Variants in PTPRD observed in about 807,000 individuals in gnomAD.
PTPRD encodes the protein receptor-type tyrosine-protein phosphatase delta.
In PTPRD, 34 loss-of-function variants were observed where a neutral mutation model predicts 214.5. That is an observed-to-expected ratio of 0.16 (90% CI 0.12 to 0.21). The LOEUF (loss-of-function observed/expected upper bound fraction) is 0.21. PTPRD is among the 10% of genes least tolerant of loss of function. The probability of loss-of-function intolerance (pLI) is 1.00; values close to 1 mark genes in which losing one functional copy is unlikely to be tolerated. For missense variants in PTPRD, 2,545 were observed against 2,398.7 expected (o/e 1.06, Z -1.27); for synonymous variants, 1,128 against 845.7 (o/e 1.33, Z -5.79).
intron 39 of PTPRD, among the ~76,000 whole-genome samples, chr9:8,365,946 C>T (rs1212486786): frequency 6.6e-6 from 1 of 152,160 alleles, no homozygotes. Context: ...CGAGAAAAAA[C>T]AAATTACTGT....
At chr9:9,728,437 T>A (rs932147701) in intron 7 of PTPRD, among the ~76,000 whole-genome samples, 1 of 152,186 alleles carries the variant, frequency 6.6e-6, no homozygotes, top group Non-Finnish European at 1.5e-5. Flanking sequence ...GAAAAGAAGT[T>A]TAACTAATTA....
chr9:10,458,678 G>C (rs1243059981), intron 2 of PTPRD, among the ~76,000 whole-genome samples: 2 of 151,982 alleles, frequency 1.3e-5, no homozygotes, highest in Non-Finnish European at 2.9e-5. Flanking sequence ...ACACAGTACT[G>C]AAGTACTACA....
chr9:9,324,780 G>C (rs1362771381), intron 9 of PTPRD, among the ~76,000 whole-genome samples: 2 of 152,146 alleles, frequency 1.3e-5, no homozygotes, highest in Non-Finnish European at 2.9e-5. Context: ...CCTATGTCCT[G>C]AATGGTATTG....
chr9:8,853,415 T>A (rs991801455), intron 11 of PTPRD, among the ~76,000 whole-genome samples: 1 of 152,152 alleles, frequency 6.6e-6, no homozygotes, highest in Non-Finnish European at 1.5e-5. Flanking sequence ...CATTTTTATT[T>A]TTTTAAAAAA....
chr9:10,013,099 G>C (rs964353527), intron 4 of PTPRD, among the ~76,000 whole-genome samples: 3 of 151,864 alleles, frequency 2.0e-5, no homozygotes, highest in African/African-American at 7.2e-5. Flanking sequence ...CAAATTCAAA[G>C]CCAGTATTAT....
chr9:8,328,894 T>C (rs1202808533), intron 44 of PTPRD, among the ~76,000 whole-genome samples: 1 of 152,106 alleles, frequency 6.6e-6, no homozygotes, highest in Non-Finnish European at 1.5e-5. Context: ...TTTATGTTTT[T>C]CTCTAAACTG....
At chr9:10,416,487 A>T (rs1164289933) in intron 2 of PTPRD, among the ~76,000 whole-genome samples, 1 of 151,980 alleles carries the variant, frequency 6.6e-6, no homozygotes, top group African/African-American at 2.4e-5. Context: ...AAATGTTAAA[A>T]GAAATAGGAA....
At chr9:10,295,553 C>A (rs919551502) in intron 3 of PTPRD, among the ~76,000 whole-genome samples, 1 of 152,104 alleles carries the variant, frequency 6.6e-6, no homozygotes, top group African/African-American at 2.4e-5. Flanking sequence ...TGTGATTACA[C>A]AGCATTCACA....
At chr9:8,930,506 T>C (rs1333655936) in intron 11 of PTPRD, among the ~76,000 whole-genome samples, 1 of 152,132 alleles carries the variant, frequency 6.6e-6, no homozygotes, top group Non-Finnish European at 1.5e-5. Flanking sequence ...CAAATGGTAT[T>C]TCTAGTTCTA....
chr9:9,212,958 T>G (rs1199183897), intron 9 of PTPRD, among the ~76,000 whole-genome samples: 2 of 152,216 alleles, frequency 1.3e-5, no homozygotes, highest in African/African-American at 2.4e-5. Context: ...CCTAGAGTTC[T>G]CTAAGATTCT....
At chr9:10,468,835 T>C (rs2099011761) in intron 2 of PTPRD, among the ~76,000 whole-genome samples, 1 of 152,006 alleles carries the variant, frequency 6.6e-6, no homozygotes, top group Non-Finnish European at 1.5e-5. Context: ...TGGAATATTA[T>C]CCAATGAATA....
At chr9:10,506,851 C>A (rs150181307) in intron 2 of PTPRD, among the ~76,000 whole-genome samples, 1 of 152,032 alleles carries the variant, frequency 6.6e-6, no homozygotes, top group African/African-American at 2.4e-5. Context: ...TAAAATTAGA[C>A]ATTTTTGGGA....
intron 3 of PTPRD, among the ~76,000 whole-genome samples, chr9:10,129,902 TG>T (rs1353210129): frequency 1.3e-5 from 2 of 151,832 alleles, no homozygotes; most frequent in African/African-American, 4.8e-5. Context: ...AGAATAAAAA[TG>T]GTAGTTTGGT....
chr9:10,239,837 C>T lies in PTPRD; in HGVS notation c.-545+101126G>A, dbSNP rs140161837. 5.5e-4 allele frequency among the ~76,000 whole-genome samples: 84 copies of T among 152,038 alleles called. 1 individual carries two copies. Among genetic ancestry groups the T allele is most frequent in the Middle Eastern group, 3.4e-3 (1 of 294 alleles). The stretch of plus-strand genomic sequence containing the variant: ...TCTCCCGCCCTCCTGCCTCTTGCCC[C>T]TCAGTCTCCCCTGAGGTAAGCCATA... On this transcript the variant is annotated intron_variant, in intron 3 of 45. Transcript: ENST00000381196.
chr9:9,219,543 A>G (rs1227706341), intron 9 of PTPRD, among the ~76,000 whole-genome samples: 1 of 152,160 alleles, frequency 6.6e-6, no homozygotes, highest in Non-Finnish European at 1.5e-5. Flanking sequence ...ATAGAGATAC[A>G]TTTTAAATTC....
At chr9:10,030,703 C>G (rs1022642389) in intron 4 of PTPRD, among the ~76,000 whole-genome samples, 5 of 151,976 alleles carry the variant, frequency 3.3e-5, no homozygotes, top group African/African-American at 1.2e-4. Context: ...TAGAAAAATT[C>G]CAGTTGAGAA....
rs2078739423 is a variant in PTPRD, at chr9:9,910,001, G to A, written c.-368+28506C>T. Reference sequence around the variant, plus strand: ...TAGAGAAAAGTTCTAATTCCTTGGTGTTACTATTTTATGGTAAATATATGG... The same window carrying A: ...TAGAGAAAAGTTCTAATTCCTTGGTATTACTATTTTATGGTAAATATATGG... On this transcript the variant is annotated intron_variant, in intron 5 of 45. Transcript: ENST00000381196. Among the ~76,000 whole-genome samples the A allele has an allele frequency of 2.0e-5, 3 of 151,900 alleles. No individual in the cohort carries two copies. The Admixed American group carries it at 2.0e-4, about 10-fold the overall frequency.
At chr9:9,002,007 G>A (rs1441307224) in intron 11 of PTPRD, among the ~76,000 whole-genome samples, 3 of 150,358 alleles carry the variant, frequency 2.0e-5, no homozygotes, top group African/African-American at 4.9e-5. Context: ...GGTTGGTGTC[G>A]GGGGTGGGGG....
At chr9:10,453,380 A>T (rs566575964) in intron 2 of PTPRD, among the ~76,000 whole-genome samples, 1 of 151,744 alleles carries the variant, frequency 6.6e-6, no homozygotes, top group South Asian at 2.1e-4. Context: ...TATTGAACTG[A>T]TCTGTATGCC....
Sources: gnomAD v4.1 joint callset for allele counts (sites outside exome capture counted in the v4.1 genomes callset) on GRCh38, gnomAD v4.1.1 for gene constraint, MANE v1.5 for transcripts, NCBI Gene and HGNC (gene_info 2026-07-23, HGNC 2026-07-21) for gene names.